COL5A1: variants seen among roughly 807,000 people sequenced by gnomAD.
COL5A1 encodes the protein collagen type V alpha 1 chain, also known as collagen alpha-1(V) chain.
A neutral mutation model predicts 263.7 loss-of-function variants in COL5A1; 16 were observed. The observed-to-expected ratio is 0.06, with a 90% CI of 0.04 to 0.09. The LOEUF is 0.09. COL5A1 is among the 10% of genes least tolerant of loss of function. The pLI is 1.00. For missense variants in COL5A1, 2,036 were observed against 2,540.5 expected, an observed-to-expected ratio of 0.80 and a Z score of 4.27; for synonymous variants, 1,012 against 1,004.5, an observed-to-expected ratio of 1.01 and a Z score of -0.14.
rs1832731058 is a variant in COL5A1 at position 134,678,059 on chromosome 9, C to G, written c.110-12853C>G. 6.6e-6 allele frequency among the ~76,000 whole-genome samples: 1 copy of G among 152,242 alleles called. No individual in the cohort carries two copies. Among genetic ancestry groups the G allele is most frequent in the African/African-American group, 2.4e-5 (1 of 41,460 alleles). ...GCCTCGCTCTGCCCTCATCATGGCC[C>G]CAGTGCTCTCCCCAGCGTCACTCCC... On this transcript the variant is annotated intron_variant, in intron 1 of 65. Transcript: ENST00000371817. The surrounding 1 kb of genome is among the most constrained non-coding windows in gnomAD (Gnocchi z 5.5).
chr9:134,666,565 T>C (rs1832364956), intron 1 of COL5A1, among the ~76,000 whole-genome samples: 1 of 152,184 alleles, frequency 6.6e-6, no homozygotes. Context: ...GCATGCGTCT[T>C]CCTCTTCTCT....
intron 11 of COL5A1, among the ~76,000 whole-genome samples, chr9:134,744,302 T>G (rs149427233): frequency 1.3e-5 from 2 of 151,978 alleles, no homozygotes; most frequent in African/African-American, 2.4e-5. Context: ...CACCCACACA[T>G]GCACTCACAT....
At chr9:134,717,274 C>T (rs1185470065) in intron 4 of COL5A1, among the ~76,000 whole-genome samples, 1 of 152,156 alleles carries the variant, frequency 6.6e-6, no homozygotes, top group Non-Finnish European at 1.5e-5. Flanking sequence ...GGAGGGAAGC[C>T]CCGTGCAAGA....
At chr9:134,693,772 A>G (rs927316776) in intron 2 of COL5A1, among the ~76,000 whole-genome samples, 8 of 152,158 alleles carry the variant, frequency 5.3e-5, no homozygotes, top group Non-Finnish European at 8.8e-5. Flanking sequence ...TGGGCCCCTC[A>G]GTGGAGGGAC....
rs554667583 is a variant in COL5A1 at position 134,755,297 on chromosome 9, G to A, written c.1827+971G>A. Among the ~76,000 whole-genome samples, 54 of 152,262 alleles carry A rather than the reference G, an allele frequency of 3.5e-4. No homozygotes were observed. The Middle Eastern group carries it at 0.01, about 29-fold the overall frequency. On this transcript the variant is annotated intron_variant, in intron 16 of 65. Coordinates refer to ENST00000371817, the MANE Select transcript of COL5A1 (RefSeq NM_000093.5). The surrounding 1 kb of genome is among the most constrained non-coding windows in gnomAD (Gnocchi z 4.1). ...CCTTAAGGTGTTTTTGTGTGTCTCC[G>A]TAAATCCTTCCCACCCAGTTTCACT...
chr9:134,785,904 C>A, intron 30 of COL5A1, 91 bp from the exon 31 acceptor site: 1 of 1,224,780 alleles, frequency 8.2e-7, no homozygotes, highest in Non-Finnish European at 1.2e-6. Context: ...CCTCCAGGCC[C>A]CTGCCAGAAC....
chr9:134,838,672 C>T (rs756691182), intron 65 of COL5A1, among the ~76,000 whole-genome samples: 6 of 152,216 alleles, frequency 3.9e-5, no homozygotes, highest in Non-Finnish European at 7.3e-5. Context: ...ATTGGGATCA[C>T]GGGGATACCC....
At position 134,741,129 on chromosome 9, in the gene COL5A1, G is replaced by C. The variant is rs563220849; in HGVS notation, c.1494+2321G>C. On this transcript the variant is annotated intron_variant, in intron 11 of 65. Coordinates refer to ENST00000371817, the MANE Select transcript of COL5A1 (RefSeq NM_000093.5). This position sits in a 1 kb window ranked among gnomAD's most constrained non-coding sequence, Gnocchi z 4.5. ...GATCTTGCTCGATGCCCGCTAATCA[G>C]CTGTGAAAGATCACTGGCTATGGGG... 2.5e-4 allele frequency among the ~76,000 whole-genome samples: 38 copies of C among 152,200 alleles called. No homozygotes were observed. Among genetic ancestry groups the C allele is most frequent in the Non-Finnish European group, 4.6e-4 (31 of 68,042 alleles).
intron 32 of COL5A1, among the ~76,000 whole-genome samples, chr9:134,791,343 G>A (rs1837684634): frequency 6.6e-6 from 1 of 152,184 alleles, no homozygotes; most frequent in African/African-American, 2.4e-5. Context: ...ATGTGTGTGA[G>A]ATGGAGCCCT....
chr9:134,760,015 T>G (rs1367355253), intron 18 of COL5A1, among the ~76,000 whole-genome samples: 2 of 81,164 alleles, frequency 2.5e-5, no homozygotes, highest in Admixed American at 1.8e-4. Flanking sequence ...CATACACACA[T>G]GCACACACAC....
intron 61 of COL5A1, among the ~76,000 whole-genome samples, chr9:134,823,787 ATGTC>A (rs1370393820): frequency 6.6e-6 from 1 of 152,154 alleles, no homozygotes; most frequent in Non-Finnish European, 1.5e-5. Context: ...GTGTGTGTGC[ATGTC>A]TGTATGTGTA....
intron 9 of COL5A1, among the ~76,000 whole-genome samples, chr9:134,737,278 C>T (rs561715308): frequency 6.5e-4 from 99 of 152,298 alleles, no homozygotes; most frequent in Middle Eastern, 3.4e-3. Context: ...CCATGGGTGT[C>T]GCCGAGGCCA....
intron 2 of COL5A1, among the ~76,000 whole-genome samples, chr9:134,697,235 C>G (rs1320879678): frequency 6.6e-6 from 1 of 152,142 alleles, no homozygotes; most frequent in African/African-American, 2.4e-5. Context: ...CATGTCATGA[C>G]TCGAATGGGC....
chr9:134,794,964 C>T lies in COL5A1; in HGVS notation c.2701-118C>T. 1 of 1,138,578 alleles carries T rather than the reference C, an allele frequency of 8.8e-7. No homozygotes were observed. Among genetic ancestry groups the T allele is most frequent in the South Asian group, 1.3e-5 (1 of 78,720 alleles). The allele number at this position is 1,138,578 out of a possible 1,614,324, so 70.5% of individuals were successfully genotyped here. A position where few individuals can be genotyped will look rare whatever the true frequency, so the allele number is the denominator to read the frequency against. ...CGGAAAAGGTGGGTGGCGGGGAGGC[C>T]CAGGTTCCTCCTATCCTGCTCTGAA... On this transcript the variant is annotated intron_variant, in intron 32 of 65. Transcript: ENST00000371817. This position sits in a 1 kb window ranked among gnomAD's most constrained non-coding sequence, Gnocchi z 4.3.
chr9:134,774,825 A>G (rs372714310), intron 26 of COL5A1, 34 bp from the exon 27 acceptor site: 10 of 1,608,900 alleles, frequency 6.2e-6, no homozygotes. Context: ...CCACACTGGC[A>G]TGGGGCTAAC....
At chr9:134,734,116 T>C (rs1228456032) in intron 9 of COL5A1, among the ~76,000 whole-genome samples, 1 of 149,688 alleles carries the variant, frequency 6.7e-6, no homozygotes, top group African/African-American at 2.5e-5. Flanking sequence ...CAGGAGGGGG[T>C]TGGGAGTGTG....
At chr9:134,694,343 C>T (rs1422968313) in intron 2 of COL5A1, among the ~76,000 whole-genome samples, 1 of 152,260 alleles carries the variant, frequency 6.6e-6, no homozygotes, top group Non-Finnish European at 1.5e-5. Context: ...CCTCCACCCA[C>T]ACTGGCACCA....
At position 134,732,125 on chromosome 9, in the gene COL5A1, C is replaced by G. The variant is rs368168386; in HGVS notation, c.1387C>G (p.Pro463Ala). ...GQKGEPAIIE[P>A]GMLIEGPPGP... ...AAAGGGAGAACCAGCGATTATCGAGCCGGTGAGGACATTTTCTCATTCCCT... is the reference window on the plus strand; with the variant it reads ...AAAGGGAGAACCAGCGATTATCGAGGCGGTGAGGACATTTTCTCATTCCCT... The change falls in exon 9 of 66, where the codon CCG becomes GCG. Residue 463 changes from proline (P) to alanine (A), a missense_variant and splice_region_variant. Transcript: ENST00000371817. 4 of 1,614,092 alleles carry G rather than the reference C, an allele frequency of 2.5e-6. No homozygotes were observed. The highest frequency in any genetic ancestry group is 2.5e-6 in the Non-Finnish European group (3 of 1,180,018).
chr9:134,769,427 G>C (rs1836796436), intron 25 of COL5A1, among the ~76,000 whole-genome samples: 1 of 152,224 alleles, frequency 6.6e-6, no homozygotes, highest in African/African-American at 2.4e-5. Flanking sequence ...TTTCCAATGT[G>C]TTGTGTCCTT....
Sources: allele counts gnomAD v4.1 joint callset (sites outside exome capture counted in the v4.1 genomes callset), GRCh38; gene constraint gnomAD v4.1.1; non-coding constraint Gnocchi (gnomAD v3.1); transcripts MANE v1.5; gene names NCBI Gene and HGNC (gene_info 2026-07-23, HGNC 2026-07-21).